PXN: variants seen among roughly 807,000 people sequenced by gnomAD.
The protein encoded by PXN is testicular tissue protein Li 134.
A neutral mutation model predicts 103.6 loss-of-function variants in PXN; 61 were observed. The ratio of observed to expected loss-of-function variants is 0.59; its 90% CI spans 0.48 to 0.73. The LOEUF is 0.73. Among genes scored for constraint, PXN ranks in the 30% least tolerant of loss-of-function variants. The pLI is 0.00. For synonymous variants in PXN, 562 were observed against 607.8 expected, an observed-to-expected ratio of 0.92 and a Z score of 1.11; for missense variants, 1,274 against 1,460.3, an observed-to-expected ratio of 0.87 and a Z score of 2.08.
Position 120,214,396 on chromosome 12 carries a change from A to G in PXN, c.2749-179T>C, listed in dbSNP as rs1187298889. ...CTCTAAGAATTCAGAGTTACTCAGG[A>G]TGGGACAAGCCAGACACATACCCTC... On this transcript the variant is annotated intron_variant, in intron 12 of 14. Coordinates refer to ENST00000637617, the MANE Select transcript of PXN (RefSeq NM_001385981.1). The surrounding 1 kb of genome is among the most constrained non-coding windows in gnomAD (Gnocchi z 5.0). Among the ~76,000 whole-genome samples, 1 of 152,146 alleles carries G rather than the reference A, an allele frequency of 6.6e-6. No individual in the cohort carries two copies. The highest frequency in any genetic ancestry group is 1.5e-5 in the Non-Finnish European group (1 of 68,030).
At position 120,222,279 on chromosome 12, in the gene PXN, G is replaced by T. The variant is rs1885402551; in HGVS notation, c.695+270C>A. Among the ~76,000 whole-genome samples, 1 of 152,240 alleles carries T rather than the reference G, an allele frequency of 6.6e-6. No individual in the cohort carries two copies. Among genetic ancestry groups the T allele is most frequent in the South Asian group, 2.1e-4 (1 of 4,834 alleles). ...TGACAGTAACTGTCAGAGCCAAGAT[G>T]TGAACCCCACTGTGTGGCCCCAAAG... On this transcript the variant is annotated intron_variant, in intron 5 of 14. Transcript: ENST00000637617. This position sits in a 1 kb window ranked among gnomAD's most constrained non-coding sequence, Gnocchi z 4.7.
rs766168753 is a variant in PXN at position 120,216,836 on chromosome 12, G to A, written c.1992+5C>T. The stretch of plus-strand genomic sequence containing the variant: ...CAGCCCCAGCCATGGGCATCTCCTC[G>A]CCACCTTCTCTACGAGCTGCCCCCC... On this transcript the variant is annotated splice_donor_5th_base_variant and intron_variant, in intron 8 of 14. Transcript: ENST00000637617. The surrounding 1 kb of genome is among the most constrained non-coding windows in gnomAD (Gnocchi z 5.1). The A allele has an allele frequency of 1.4e-5, 22 of 1,537,756 alleles. No individual in the cohort carries two copies. In the East Asian group the frequency reaches 2.8e-4, roughly 19 times the overall value.
Position 120,222,494 on chromosome 12 carries a change from C to G in PXN, c.695+55G>C. On this transcript the variant is annotated intron_variant, in intron 5 of 14. Coordinates refer to ENST00000637617, the MANE Select transcript of PXN (RefSeq NM_001385981.1). The surrounding 1 kb of genome is among the most constrained non-coding windows in gnomAD (Gnocchi z 4.7). ...GGGCTAAGGGGACAGACACTGGACCCGGGGCAGGCTGGGCCAGCCCTTCCC... is the reference window on the plus strand; with the variant it reads ...GGGCTAAGGGGACAGACACTGGACCGGGGGCAGGCTGGGCCAGCCCTTCCC... The G allele has an allele frequency of 6.6e-7, 1 of 1,513,132 alleles. No individual in the cohort carries two copies. The highest frequency in any genetic ancestry group is 8.9e-7 in the Non-Finnish European group (1 of 1,123,466). 93.7% of individuals were successfully genotyped at this position (1,513,132 alleles called of 1,614,324 possible).
chr12:120,261,579 A>G (rs1489496102), intron 1 of PXN, among the ~76,000 whole-genome samples: 1 of 152,072 alleles, frequency 6.6e-6, no homozygotes, highest in African/African-American at 2.4e-5. Context: ...ACATCTCTGG[A>G]GCGAGGTAAA....
intron 1 of PXN, among the ~76,000 whole-genome samples, chr12:120,245,429 G>A (rs1394354150): frequency 6.6e-6 from 1 of 151,288 alleles, no homozygotes; most frequent in Non-Finnish European, 1.5e-5. Flanking sequence ...GGAAAAGGAG[G>A]GGAAGAAAAA....
At chr12:120,240,562 C>G (rs932244035) in intron 1 of PXN, among the ~76,000 whole-genome samples, 1 of 152,126 alleles carries the variant, frequency 6.6e-6, no homozygotes, top group Non-Finnish European at 1.5e-5. Context: ...TTCCCAAGTT[C>G]AAAGGGTCAC....
chr12:120,228,230 C>T lies in PXN; in HGVS notation c.14-3853G>A, dbSNP rs1262306070. ...TCCTTGGCATTACTCTACTAAGTTT[C>T]CAGGTCCAGGCCTGGGGCCCTCCAG... On this transcript the variant is annotated intron_variant, in intron 1 of 14. Transcript: ENST00000637617. This position sits in a 1 kb window ranked among gnomAD's most constrained non-coding sequence, Gnocchi z 4.7. Among the ~76,000 whole-genome samples, 1 of 152,216 alleles carries T rather than the reference C, an allele frequency of 6.6e-6. No homozygotes were observed. Among genetic ancestry groups the T allele is most frequent in the Non-Finnish European group, 1.5e-5 (1 of 68,044 alleles).
Position 120,221,604 on chromosome 12 carries a change from TGGAG to T in PXN, c.831+15_831+18del, listed in dbSNP as rs1300023312. On this transcript the variant is annotated intron_variant, in intron 6 of 14. Coordinates refer to ENST00000637617, the MANE Select transcript of PXN (RefSeq NM_001385981.1). The surrounding 1 kb of genome is among the most constrained non-coding windows in gnomAD (Gnocchi z 6.6). ...GGGAGGGGCGGCAGGGCAGGGAAGA[TGGAG>T]GGTTCACAGGGCACCTTGAAATCCG... is the stretch of plus-strand genomic sequence containing the variant. 6.4e-7 allele frequency: 1 copy of T among 1,555,178 alleles called. No individual in the cohort carries two copies. The highest frequency in any genetic ancestry group is 1.2e-5 in the South Asian group (1 of 84,188).
chr12:120,264,694 C>T (rs1054098524), intron 1 of PXN, among the ~76,000 whole-genome samples: 1 of 152,216 alleles, frequency 6.6e-6, no homozygotes, highest in Admixed American at 6.5e-5. Context: ...CAGGGCCTGA[C>T]GCAGAGAGGG....
At chr12:120,243,766 C>T (rs968347906) in intron 1 of PXN, among the ~76,000 whole-genome samples, 1 of 152,176 alleles carries the variant, frequency 6.6e-6, no homozygotes, top group African/African-American at 2.4e-5. Context: ...TACTCTCCTA[C>T]AAAGGGTTTG....
Position 120,219,170 on chromosome 12 carries a change from A to G in PXN, c.1716+37T>C. 1 of 1,509,312 alleles carries G rather than the reference A, an allele frequency of 6.6e-7. No homozygotes were observed. The highest frequency in any genetic ancestry group is 8.8e-7 in the Non-Finnish European group (1 of 1,132,316). 93.5% of individuals were successfully genotyped at this position (1,509,312 alleles called of 1,614,324 possible). A position where few individuals can be genotyped will look rare whatever the true frequency, so the allele number is the denominator to read the frequency against. ...GAGCGGCCCACACTCAGACCCGCCAATGGCCATGCCCAGCAGCCATGCGAG... is the reference window on the plus strand; with the variant it reads ...GAGCGGCCCACACTCAGACCCGCCAGTGGCCATGCCCAGCAGCCATGCGAG... On this transcript the variant is annotated intron_variant, in intron 7 of 14. Coordinates refer to ENST00000637617, the MANE Select transcript of PXN (RefSeq NM_001385981.1). This position sits in a 1 kb window ranked among gnomAD's most constrained non-coding sequence, Gnocchi z 6.5.
chr12:120,235,441 AG>A (rs1234625270), intron 1 of PXN, among the ~76,000 whole-genome samples: 1 of 152,082 alleles, frequency 6.6e-6, no homozygotes, highest in Non-Finnish European at 1.5e-5. Context: ...CCGCCCCATA[AG>A]GCCCCACGAG....
chr12:120,224,133 C>A lies in PXN; in HGVS notation c.240+18G>T. On this transcript the variant is annotated intron_variant, in intron 2 of 14. Coordinates refer to ENST00000637617, the MANE Select transcript of PXN (RefSeq NM_001385981.1). This position sits in a 1 kb window ranked among gnomAD's most constrained non-coding sequence, Gnocchi z 5.0. ...CCCCCAGCCTCCTTGGCCTTCCCAG[C>A]CACTGTCCCCGCCTCACCTGCTGGT... 1 of 1,521,814 alleles carries A rather than the reference C, an allele frequency of 6.6e-7. No individual in the cohort carries two copies. Among genetic ancestry groups the A allele is most frequent in the Non-Finnish European group, 8.9e-7 (1 of 1,126,622 alleles). 94.3% of individuals were successfully genotyped at this position (1,521,814 alleles called of 1,614,324 possible).
In PXN at chr12:120,211,719, A is replaced by T. The variant is rs923859470; in HGVS notation, c.*595T>A. ...AGAACAAGAGCAGGTATAAAAGGGGAGGGCGGGTCTAAAAGGCAGGGGCAG... is the reference window on the plus strand; with the variant it reads ...AGAACAAGAGCAGGTATAAAAGGGGTGGGCGGGTCTAAAAGGCAGGGGCAG... On this transcript the variant is annotated 3_prime_UTR_variant, in exon 15 of 15. Coordinates refer to ENST00000637617, the MANE Select transcript of PXN (RefSeq NM_001385981.1). The T allele has an allele frequency of 8.8e-6, 3 of 342,618 alleles. No homozygotes were observed. Among genetic ancestry groups the T allele is most frequent in the Non-Finnish European group, 1.8e-5 (3 of 171,342 alleles). 21.2% of individuals were successfully genotyped at this position (342,618 alleles called of 1,614,324 possible).
rs369039159 is a variant in PXN, at chr12:120,220,304, G to T, written c.832-213C>A. 2.6e-5 allele frequency among the ~76,000 whole-genome samples: 4 copies of T among 152,108 alleles called. No homozygotes were observed. The highest frequency in any genetic ancestry group is 2.0e-4 in the Admixed American group (3 of 15,276). On this transcript the variant is annotated intron_variant, in intron 6 of 14. Transcript: ENST00000637617. This position sits in a 1 kb window ranked among gnomAD's most constrained non-coding sequence, Gnocchi z 6.1. ...CCTCACCAAACCCAAGCAAGAGAAA[G>T]CAGCCACCAAGCCGTGCCTGTGGAG...
In PXN at chr12:120,221,708, G is replaced by C. The variant is rs564753984; in HGVS notation, c.746C>G (p.Thr249Ser). Reference protein sequence around the residue: ...QGEMSSPQRVTSTQQQTRISA... With the variant: ...QGEMSSPQRVSSTQQQTRISA... ...GATGCGTGTCTGCTGTTGGGTGGAG[G>C]TGACGCGCTGCGGGCTGCTCATCTC... The change falls in exon 6 of 15, where the codon ACC (threonine) becomes AGC (serine). Residue 249 changes from threonine (T) to serine (S), a missense_variant. By Grantham distance (58) the Thr-to-Ser change is moderately conservative. Around this residue, in one of 2 missense-constraint regions of PXN, gnomAD observed 1,178 missense variants for 1,309.0 expected, o/e 0.90. Transcript: ENST00000637617. The surrounding 1 kb of genome is among the most constrained non-coding windows in gnomAD (Gnocchi z 6.6). 1.3e-6 allele frequency: 2 copies of C among 1,571,546 alleles called. No individual in the cohort carries two copies. Among genetic ancestry groups the C allele is most frequent in the Non-Finnish European group, 8.6e-7 (1 of 1,158,772 alleles).
Position 120,222,115 on chromosome 12 carries a change from C to T in PXN, c.696-357G>A, listed in dbSNP as rs1447252042. 2.0e-5 allele frequency among the ~76,000 whole-genome samples: 3 copies of T among 152,204 alleles called. No individual in the cohort carries two copies. The highest frequency in any genetic ancestry group is 4.8e-5 in the African/African-American group (2 of 41,454). On this transcript the variant is annotated intron_variant, in intron 5 of 14. Coordinates refer to ENST00000637617, the MANE Select transcript of PXN (RefSeq NM_001385981.1). This position sits in a 1 kb window ranked among gnomAD's most constrained non-coding sequence, Gnocchi z 4.7. Reference sequence around the variant, plus strand: ...TGTTGGGCACTCACCATGTGTGCCACGCACTACACACCAGAAACCATTCCA... The same window carrying T: ...TGTTGGGCACTCACCATGTGTGCCATGCACTACACACCAGAAACCATTCCA...
In PXN at chr12:120,226,952, A is replaced by G. The variant is rs995848706; in HGVS notation, c.14-2575T>C. On this transcript the variant is annotated intron_variant, in intron 1 of 14. Transcript: ENST00000637617. ...AAGTCACTCTGCAGGAGGAAGCTCCATAGCACATTGGAAGCTACAAACATC... is the reference window on the plus strand; with the variant it reads ...AAGTCACTCTGCAGGAGGAAGCTCCGTAGCACATTGGAAGCTACAAACATC... The G allele has an allele frequency of 1.8e-5, 18 of 989,882 alleles. No individual in the cohort carries two copies. In the African/African-American group the frequency reaches 2.8e-4, roughly 15 times the overall value. The allele number at this position is 989,882 out of a possible 1,614,324, so 61.3% of individuals were successfully genotyped here. A position where few individuals can be genotyped will look rare whatever the true frequency, so the allele number is the denominator to read the frequency against.
chr12:120,217,236 C>T lies in PXN; in HGVS notation c.1717-120G>A, dbSNP rs1240073665. The T allele has an allele frequency of 1.6e-5, 14 of 879,416 alleles. No homozygotes were observed. Among genetic ancestry groups the T allele is most frequent in the East Asian group, 1.4e-4 (5 of 36,098 alleles). 54.5% of individuals were successfully genotyped at this position (879,416 alleles called of 1,614,324 possible). On this transcript the variant is annotated intron_variant, in intron 7 of 14. Coordinates refer to ENST00000637617, the MANE Select transcript of PXN (RefSeq NM_001385981.1). This position sits in a 1 kb window ranked among gnomAD's most constrained non-coding sequence, Gnocchi z 4.1. ...AAAAGAAAACCACCAAAGAACCAAG[C>T]GGAGGTGGGTGGAGGCACGGGGAGG...
Sources: allele counts gnomAD v4.1 joint callset (sites outside exome capture counted in the v4.1 genomes callset), GRCh38; gene constraint gnomAD v4.1.1; regional missense constraint gnomAD v4.1.1; non-coding constraint Gnocchi (gnomAD v3.1); transcripts MANE v1.5; gene names NCBI Gene and HGNC (gene_info 2026-07-23, HGNC 2026-07-21).